The following PCSK2 variants were observed in gnomAD, a reference collection of about 807,000 sequenced individuals.
PCSK2 encodes the protein neuroendocrine convertase 2.
PCSK2 carries 14 observed loss-of-function variants against 69.7 expected under a neutral mutation model. That is an observed-to-expected ratio of 0.20 (90% confidence interval 0.13 to 0.31). The LOEUF (loss-of-function observed/expected upper bound fraction) is 0.31, where lower values mean the gene tolerates loss of function less well. Among genes scored for constraint, PCSK2 ranks in the 10% least tolerant of loss-of-function variants. PCSK2 has a pLI of 1.00. For missense variants in PCSK2, 544 were observed against 842.5 expected, an observed-to-expected ratio of 0.65 and a Z score of 4.39; for synonymous variants, 307 against 320.7, an observed-to-expected ratio of 0.96 and a Z score of 0.46.
At chr20:17,461,964 G>A (rs2269026) in intron 10 of PCSK2, among the ~76,000 whole-genome samples, 49,907 of 152,008 alleles carry the variant, frequency 0.33, 8,769 homozygotes, top group South Asian at 0.57. Context: ...TAAACAAAAA[G>A]TCAGTCTGCT....
At chr20:17,466,553 C>T (rs966009504) in intron 11 of PCSK2, among the ~76,000 whole-genome samples, 1 of 152,206 alleles carries the variant, frequency 6.6e-6, no homozygotes, top group African/African-American at 2.4e-5. Flanking sequence ...ACCCACTTCC[C>T]TTCCAACTGC....
chr20:17,269,959 T>C (rs535147993), intron 2 of PCSK2, among the ~76,000 whole-genome samples: 78 of 152,164 alleles, frequency 5.1e-4, no homozygotes, highest in Non-Finnish European at 3.5e-4. Context: ...CAGAAAGATA[T>C]AGTTTTTAAA....
At chr20:17,387,063 A>G (rs2031255801) in intron 5 of PCSK2, among the ~76,000 whole-genome samples, 1 of 152,214 alleles carries the variant, frequency 6.6e-6, no homozygotes, top group Non-Finnish European at 1.5e-5. Context: ...TGGCACCAAT[A>G]AGGATCATGC....
At chr20:17,391,946 A>AAGGAAGGAAGGAAGGAAGGG in intron 5 of PCSK2, among the ~76,000 whole-genome samples, 1 of 146,078 alleles carries the variant, frequency 6.8e-6, no homozygotes, top group Non-Finnish European at 1.5e-5. Context: ...GGAAGGAAGG[A>AAGGAAGGAAGGAAGGAAGGG]AGGGGAAGGG....
chr20:17,380,826 G>A (rs1175718189), intron 5 of PCSK2, among the ~76,000 whole-genome samples: 3 of 152,118 alleles, frequency 2.0e-5, no homozygotes, highest in Non-Finnish European at 4.4e-5. Flanking sequence ...AATTAAAAGG[G>A]GCAATTAGTG....
At chr20:17,403,998 C>A (rs1393670644) in intron 5 of PCSK2, among the ~76,000 whole-genome samples, 4 of 152,158 alleles carry the variant, frequency 2.6e-5, no homozygotes, top group African/African-American at 7.2e-5. Flanking sequence ...TGTCTATGGG[C>A]AAATTAGAAA....
intron 2 of PCSK2, among the ~76,000 whole-genome samples, chr20:17,264,852 T>TTTTC (rs1339995944): frequency 9.2e-6 from 1 of 108,428 alleles, no homozygotes; most frequent in Non-Finnish European, 1.9e-5. Flanking sequence ...GTCTATTTTC[T>TTTTC]TTTCTTTCTT....
At chr20:17,341,478 C>T (rs771592815) in intron 2 of PCSK2, among the ~76,000 whole-genome samples, 9 of 152,166 alleles carry the variant, frequency 5.9e-5, no homozygotes, top group South Asian at 2.1e-4. Context: ...TATATGTCTA[C>T]GTATTATTTT....
At chr20:17,279,741 C>T (rs918094376) in intron 2 of PCSK2, among the ~76,000 whole-genome samples, 23 of 148,650 alleles carry the variant, frequency 1.5e-4, no homozygotes, top group African/African-American at 5.2e-4. Flanking sequence ...GAGCCGAGAT[C>T]GCGCCACTGC....
chr20:17,384,462 C>T (rs1292460068), intron 5 of PCSK2, among the ~76,000 whole-genome samples: 1 of 148,166 alleles, frequency 6.7e-6, no homozygotes, highest in African/African-American at 2.5e-5. Flanking sequence ...ATTAGCCGGG[C>T]ATGGTGTCAC....
intron 11 of PCSK2, chr20:17,479,334 T>G: frequency 1.3e-6 from 1 of 771,748 alleles, no homozygotes; most frequent in South Asian, 1.4e-5. Flanking sequence ...ATTATAATCT[T>G]CACCACCTAA....
intron 5 of PCSK2, among the ~76,000 whole-genome samples, 198 bp downstream of exon 5, chr20:17,369,475 C>T (rs1163874430): frequency 6.6e-6 from 1 of 152,080 alleles, no homozygotes; most frequent in Non-Finnish European, 1.5e-5. Flanking sequence ...CAAACAGGAA[C>T]ATACACACAC....
chr20:17,433,188 C>T lies in PCSK2; in HGVS notation c.710-3520C>T, dbSNP rs111587719. 8.7e-3 allele frequency among the ~76,000 whole-genome samples: 1,324 copies of T among 152,300 alleles called. 17 individuals carry two copies. The highest frequency in any genetic ancestry group is 0.041 in the South Asian group (197 of 4,822). On this transcript the variant is annotated intron_variant, in intron 7 of 11. Coordinates refer to ENST00000262545, the MANE Select transcript of PCSK2 (RefSeq NM_002594.5). ...AATATTTAAAAACCACACTGTTGAC[C>T]ATTGTGAAAATGCCGTGAAATTTCT...
At chr20:17,306,026 T>C (rs1159820765) in intron 2 of PCSK2, among the ~76,000 whole-genome samples, 1 of 152,244 alleles carries the variant, frequency 6.6e-6, no homozygotes, top group African/African-American at 2.4e-5. Flanking sequence ...GGGCAGAATT[T>C]GCATGAATAA....
At position 17,481,734 on chromosome 20, in the gene PCSK2, C is replaced by T. The variant is rs993704570; in HGVS notation, c.1581C>T (p.Ser527=). The change falls in exon 12 of 12, where the codon TCC becomes TCT. Residue 527 remains serine, a synonymous_variant. Coordinates refer to ENST00000262545, the MANE Select transcript of PCSK2 (RefSeq NM_002594.5). The part of the protein sequence containing the change: ...RRGDLNINMT[S]PMGTKSILLS... The stretch of plus-strand genomic sequence containing the variant: ...GAGACCTGAACATCAACATGACTTC[C>T]CCTATGGGCACCAAGTCCATTTTGC... 2.5e-6 allele frequency: 4 copies of T among 1,614,100 alleles called. No individual in the cohort carries two copies. Among genetic ancestry groups the T allele is most frequent in the Admixed American group, 3.3e-5 (2 of 60,020 alleles).
intron 2 of PCSK2, among the ~76,000 whole-genome samples, chr20:17,305,396 C>T (rs1458728419): frequency 6.6e-6 from 1 of 151,976 alleles, no homozygotes; most frequent in African/African-American, 2.4e-5. Context: ...TCTGATGGAG[C>T]TAAATCCAAA....
chr20:17,363,467 T>G (rs865848329), intron 4 of PCSK2, among the ~76,000 whole-genome samples: 4 of 152,236 alleles, frequency 2.6e-5, no homozygotes, highest in Non-Finnish European at 4.4e-5. Context: ...AAGGACCCCA[T>G]TTAATGATGA....
chr20:17,321,967 C>G (rs1989881790), intron 2 of PCSK2, among the ~76,000 whole-genome samples: 1 of 152,026 alleles, frequency 6.6e-6, no homozygotes, highest in Non-Finnish European at 1.5e-5. Context: ...TGTGATGTAC[C>G]TCTCTGCTAC....
intron 2 of PCSK2, among the ~76,000 whole-genome samples, chr20:17,277,833 T>G (rs1366387500): frequency 6.6e-6 from 1 of 151,660 alleles, no homozygotes; most frequent in Non-Finnish European, 1.5e-5. Flanking sequence ...GACAAAGGGC[T>G]AATATCCAGA....
Sources: gnomAD v4.1 joint callset for allele counts (sites outside exome capture counted in the v4.1 genomes callset) on GRCh38, gnomAD v4.1.1 for gene constraint, MANE v1.5 for transcripts, NCBI Gene and HGNC (gene_info 2026-07-23, HGNC 2026-07-21) for gene names.